Variants in KATNAL2 observed in about 807,000 individuals in gnomAD.
The protein encoded by KATNAL2 is katanin catalytic subunit A1 like 2.
In KATNAL2, 52 loss-of-function variants were observed where a neutral mutation model predicts 76.3. The observed-to-expected ratio is 0.68, with a 90% CI of 0.55 to 0.86. The LOEUF is 0.86. Ranked by LOEUF, KATNAL2 falls within the 40% of genes least tolerant of loss-of-function variation. The pLI, the probability that KATNAL2 is intolerant of heterozygous loss-of-function variation, is 0.00. For missense variants in KATNAL2, 660 were observed against 668.9 expected, an observed-to-expected ratio of 0.99 and a Z score of 0.15; for synonymous variants, 243 against 244.2, an observed-to-expected ratio of 1.00 and a Z score of 0.05.
At chr18:47,073,022 G>A (rs914095779) in intron 13 of KATNAL2, among the ~76,000 whole-genome samples, 2 of 151,972 alleles carry the variant, frequency 1.3e-5, no homozygotes, top group African/African-American at 4.8e-5. Flanking sequence ...ATATAGTATG[G>A]GACAATTTGT....
chr18:47,033,084 G>T (rs1269781716), intron 3 of KATNAL2: 1 of 1,614,138 alleles, frequency 6.2e-7, no homozygotes, highest in African/African-American at 1.3e-5. Context: ...CCTGTTTCCG[G>T]GTTTTGGCCG....
chr18:47,096,115 C>T (rs2063222927), intron 15 of KATNAL2, among the ~76,000 whole-genome samples: 1 of 152,050 alleles, frequency 6.6e-6, no homozygotes, highest in African/African-American at 2.4e-5. Flanking sequence ...CAGGGTTAGA[C>T]AAACAATAGG....
In KATNAL2 at chr18:47,063,274, C is replaced by A. The variant is rs773634577; in HGVS notation, c.649-10C>A. On this transcript the variant is annotated splice_polypyrimidine_tract_variant and intron_variant, in intron 9 of 17. Coordinates refer to ENST00000683218, the MANE Select transcript of KATNAL2 (RefSeq NM_001387690.1). Reference sequence around the variant, plus strand: ...TATTGTAATGTGAGCCTTTCCGCTCCTCTCATCAGGAACGACTGCTGAAAC... The same window carrying A: ...TATTGTAATGTGAGCCTTTCCGCTCATCTCATCAGGAACGACTGCTGAAAC... The A allele has an allele frequency of 1.2e-6, 2 of 1,612,492 alleles. No homozygotes were observed. The highest frequency in any genetic ancestry group is 1.7e-6 in the Non-Finnish European group (2 of 1,179,154).
intron 15 of KATNAL2, among the ~76,000 whole-genome samples, chr18:47,086,482 A>G (rs1321605701): frequency 6.6e-6 from 1 of 151,988 alleles, no homozygotes; most frequent in African/African-American, 2.4e-5. Context: ...TGCCCAGCTA[A>G]TTTTTTGTAT....
chr18:47,069,402 T>C, intron 12 of KATNAL2, 80 bp from the exon 13 acceptor site: 1 of 1,373,620 alleles, frequency 7.3e-7, no homozygotes, highest in Non-Finnish European at 1.0e-6. Flanking sequence ...CTTCCTTCCT[T>C]GTGTGTGAGA....
chr18:47,100,420 ATGGAGCC>A, intron 17 of KATNAL2, 64 bp downstream of exon 17: 1 of 1,362,444 alleles, frequency 7.3e-7, no homozygotes, highest in Non-Finnish European at 1.0e-6. Context: ...TCACCAGCAG[ATGGAGCC>A]TGGCGCCTGT....
intron 2 of KATNAL2, 76 bp downstream of exon 2, chr18:46,946,622 C>A: frequency 1.1e-6 from 1 of 911,530 alleles, no homozygotes; most frequent in Non-Finnish European, 1.3e-6. Context: ...CCGCCCTGTG[C>A]TCTAACAATC....
chr18:46,935,590 G>T (rs907288765), intron 1 of KATNAL2, among the ~76,000 whole-genome samples: 3 of 151,874 alleles, frequency 2.0e-5, no homozygotes, highest in African/African-American at 7.3e-5. Flanking sequence ...CAACAGGATA[G>T]TTTTATGTAT....
chr18:46,929,034 G>A (rs770317456), intron 1 of KATNAL2, among the ~76,000 whole-genome samples: 5 of 152,104 alleles, frequency 3.3e-5, no homozygotes, highest in African/African-American at 4.8e-5. Flanking sequence ...CTGACCTTGT[G>A]ATTCACCCAC....
At chr18:46,936,102 G>A (rs1242513345) in intron 1 of KATNAL2, among the ~76,000 whole-genome samples, 2 of 152,074 alleles carry the variant, frequency 1.3e-5, no homozygotes, top group African/African-American at 4.8e-5. Flanking sequence ...ATGAGAAACA[G>A]ACAAAATCCA....
chr18:47,045,330 T>TTTTCTTTTCTTTTCTTTTCTTTTCTTTTC (rs1491241447), intron 3 of KATNAL2, among the ~76,000 whole-genome samples: 2 of 41,914 alleles, frequency 4.8e-5, no homozygotes, highest in Admixed American at 3.5e-4. Context: ...TTTTCTTTTC[T>TTTTCTTTTCTTTTCTTTTCTTTTCTTTTC]TTTTTTTTTT....
intron 15 of KATNAL2, among the ~76,000 whole-genome samples, chr18:47,087,225 A>C (rs1445968493): frequency 6.6e-6 from 1 of 152,204 alleles, no homozygotes; most frequent in Non-Finnish European, 1.5e-5. Context: ...TTATTATAAA[A>C]ATCATAATTT....
rs768573336 is a variant in KATNAL2, at chr18:47,100,827, G to A, written c.1478-39G>A. 3.1e-6 allele frequency: 5 copies of A among 1,612,950 alleles called. No individual in the cohort carries two copies. The South Asian group carries it at 5.5e-5, about 18-fold the overall frequency. On this transcript the variant is annotated intron_variant, in intron 17 of 17. Coordinates refer to ENST00000683218, the MANE Select transcript of KATNAL2 (RefSeq NM_001387690.1). ...TTTCAAGAGCATTGATCACCAAGAG[G>A]TCGATTGTTGTGCTGTTACTGTTGT...
At chr18:46,951,817 T>C (rs2059566035) in intron 3 of KATNAL2, among the ~76,000 whole-genome samples, 1 of 152,156 alleles carries the variant, frequency 6.6e-6, no homozygotes. Flanking sequence ...AGGGTCTTGC[T>C]CTGTCAGCAG....
chr18:47,063,888 A>G (rs977797734), intron 10 of KATNAL2, among the ~76,000 whole-genome samples: 1 of 152,170 alleles, frequency 6.6e-6, no homozygotes, highest in African/African-American at 2.4e-5. Flanking sequence ...CCTGCCTTTG[A>G]TTTCTAGATC....
chr18:46,960,994 G>A (rs941733499), intron 3 of KATNAL2, among the ~76,000 whole-genome samples: 1 of 152,134 alleles, frequency 6.6e-6, no homozygotes, highest in African/African-American at 2.4e-5. Flanking sequence ...ACACTAAGGG[G>A]ACCACGTTAA....
intron 1 of KATNAL2, among the ~76,000 whole-genome samples, chr18:46,932,743 A>G (rs2058970277): frequency 6.6e-6 from 1 of 151,718 alleles, no homozygotes; most frequent in African/African-American, 2.4e-5. Flanking sequence ...TTGATGCCAA[A>G]ACCAGGCAAA....
chr18:46,959,645 C>T (rs957089836), intron 3 of KATNAL2, among the ~76,000 whole-genome samples: 5 of 152,186 alleles, frequency 3.3e-5, no homozygotes, highest in Admixed American at 3.3e-4. Context: ...AAAACCTTCG[C>T]TCACTGCAAC....
At chr18:46,943,313 T>C (rs2059298839) in intron 1 of KATNAL2, among the ~76,000 whole-genome samples, 1 of 152,150 alleles carries the variant, frequency 6.6e-6, no homozygotes, top group Non-Finnish European at 1.5e-5. Context: ...CTGGGTAAAA[T>C]GAGGCTGAGA....
Sources: gnomAD v4.1 joint callset for allele counts (sites outside exome capture counted in the v4.1 genomes callset) on GRCh38, gnomAD v4.1.1 for gene constraint, MANE v1.5 for transcripts, NCBI Gene and HGNC (gene_info 2026-07-23, HGNC 2026-07-21) for gene names.